The following DMD variants were observed in gnomAD, a reference collection of about 807,000 sequenced individuals.
The protein encoded by DMD is mutant dystrophin.
Under a neutral mutation model 330.1 loss-of-function variants are expected in DMD, and 63 were observed. That is an observed-to-expected ratio of 0.19 (90% CI 0.16 to 0.24). DMD has a LOEUF of 0.24. DMD is among the 10% of genes least tolerant of loss of function. DMD has a pLI of 1.00. For missense variants in DMD, 3,344 were observed against 2,684.1 expected, an observed-to-expected ratio of 1.25 and a Z score of -5.43; for synonymous variants, 1,223 against 959.8, an observed-to-expected ratio of 1.27 and a Z score of -5.07.
Position 31,840,549 on chromosome X carries a change from C to CTTT in DMD, c.7099-3733_7099-3731dup, listed in dbSNP as rs1207207240. 1.0e-3 allele frequency among the ~76,000 whole-genome samples: 78 copies of CTTT among 76,333 alleles called. 1 individual carries two copies. The highest frequency in any genetic ancestry group is 5.2e-3 in the East Asian group (12 of 2,304). 66.3% of individuals were successfully genotyped at this position (76,333 alleles called of 115,157 possible). A position where few individuals can be genotyped will look rare whatever the true frequency, so the allele number is the denominator to read the frequency against. On this transcript the variant is annotated intron_variant, in intron 48 of 78. Coordinates refer to ENST00000357033, the MANE Select transcript of DMD (RefSeq NM_004006.3). Reference sequence around the variant, plus strand: ...TGCCTTATTGGCTCTGCAGATACTGCTTTTTTTTTTTTTTTTTTTTTACAA... The same window carrying CTTT: ...TGCCTTATTGGCTCTGCAGATACTGCTTTTTTTTTTTTTTTTTTTTTTTTACAA...
chrX:32,215,062 C>A (rs55919365), intron 44 of DMD, among the ~76,000 whole-genome samples: 24,915 of 110,554 alleles, frequency 0.23, 2,184 homozygotes, highest in East Asian at 0.46. Context: ...AAAGACCCAA[C>A]TTTTACTTCT....
intron 55 of DMD, among the ~76,000 whole-genome samples, chrX:31,554,998 G>A (rs1204048260): frequency 8.9e-6 from 1 of 111,825 alleles, no homozygotes; most frequent in African/African-American, 3.3e-5. Flanking sequence ...TTGTTCCTAG[G>A]AGAGGGAGCC....
At chrX:32,048,653 A>G (rs1286575845) in intron 44 of DMD, among the ~76,000 whole-genome samples, 1 of 109,799 alleles carries the variant, frequency 9.1e-6, no homozygotes, top group Non-Finnish European at 1.9e-5. Context: ...ATTTTATCAT[A>G]TTTATTGGGT....
intron 62 of DMD, among the ~76,000 whole-genome samples, chrX:31,272,094 A>C (rs1232658622): frequency 9.0e-6 from 1 of 111,573 alleles, no homozygotes; most frequent in Non-Finnish European, 1.9e-5. Flanking sequence ...GCCAGCTGCC[A>C]TCTAAACCAG....
chrX:32,815,301 T>G (rs2077644175), intron 6 of DMD, among the ~76,000 whole-genome samples: 1 of 97,277 alleles, frequency 1.0e-5, no homozygotes, highest in African/African-American at 4.0e-5. Context: ...AATGGTAGAG[T>G]GGTCAAAAAA....
chrX:32,085,620 A>ATATATATACG (rs1569541166), intron 44 of DMD, among the ~76,000 whole-genome samples: 1 of 94,584 alleles, frequency 1.1e-5, no homozygotes, highest in Non-Finnish European at 2.1e-5. Context: ...ATATATACGT[A>ATATATATACG]TATATATACA....
chrX:32,049,912 C>T (rs925302456), intron 44 of DMD, among the ~76,000 whole-genome samples: 1 of 111,408 alleles, frequency 9.0e-6, no homozygotes, highest in South Asian at 3.7e-4. Context: ...GAAAATGCTA[C>T]TTTTTCATTA....
chrX:32,882,472 A>G (rs2084051602), intron 2 of DMD, among the ~76,000 whole-genome samples: 1 of 112,404 alleles, frequency 8.9e-6, no homozygotes, highest in Non-Finnish European at 1.9e-5. Flanking sequence ...CAAAATGGAA[A>G]TACATTAAGT....
At chrX:31,732,667 C>G (rs1006557999) in intron 51 of DMD, among the ~76,000 whole-genome samples, 2 of 110,950 alleles carry the variant, frequency 1.8e-5, no homozygotes, top group African/African-American at 3.3e-5. Context: ...AATCATTACT[C>G]AAACTACTTG....
intron 9 of DMD, among the ~76,000 whole-genome samples, chrX:32,680,723 C>T (rs1302501026): frequency 9.0e-6 from 1 of 110,846 alleles, no homozygotes; most frequent in South Asian, 3.8e-4. Flanking sequence ...TCATTTTGAG[C>T]CTCAACATTG....
intron 74 of DMD, among the ~76,000 whole-genome samples, chrX:31,166,758 G>A (rs1348401711): frequency 9.0e-6 from 1 of 111,531 alleles, no homozygotes; most frequent in Admixed American, 9.5e-5. Flanking sequence ...TTTTCAGGAA[G>A]GGAACTCTGT....
chrX:32,731,263 C>G (rs1378409870), intron 7 of DMD, among the ~76,000 whole-genome samples: 3 of 112,238 alleles, frequency 2.7e-5, no homozygotes, highest in Non-Finnish European at 5.6e-5. Context: ...AGGGTCCTAC[C>G]CCAACGGAAT....
At chrX:32,311,244 T>C (rs1208825910) in intron 41 of DMD, among the ~76,000 whole-genome samples, 2 of 110,908 alleles carry the variant, frequency 1.8e-5, no homozygotes, top group Non-Finnish European at 3.8e-5. Flanking sequence ...AGGGTTTCAG[T>C]GGTAGGGTCT....
chrX:31,250,857 G>C (rs7888601), intron 63 of DMD, among the ~76,000 whole-genome samples: 20,522 of 110,236 alleles, frequency 0.19, 1,478 homozygotes, highest in East Asian at 0.39. Flanking sequence ...GCGGAGGCTG[G>C]CAGATCATGA....
intron 7 of DMD, among the ~76,000 whole-genome samples, chrX:32,734,507 A>G (rs1235487016): frequency 3.7e-5 from 4 of 107,239 alleles, no homozygotes; most frequent in African/African-American, 1.4e-4. Flanking sequence ...CTGATGCAAA[A>G]ATCCTCAATA....
intron 18 of DMD, among the ~76,000 whole-genome samples, chrX:32,511,524 GAAAAAAAAAAA>G (rs67754841): frequency 8.0e-5 from 4 of 49,789 alleles, no homozygotes; most frequent in African/African-American, 1.6e-4. Context: ...TCCGTCTCGG[GAAAAAAAAAAA>G]AAAAAAAAAA....
At chrX:33,007,902 G>A (rs780518031) in intron 2 of DMD, among the ~76,000 whole-genome samples, 66 of 111,590 alleles carry the variant, frequency 5.9e-4, no homozygotes, top group African/African-American at 1.9e-3. Context: ...AGTACTCTCC[G>A]TAGACCTTGT....
chrX:32,621,512 C>T (rs747618004), intron 11 of DMD, among the ~76,000 whole-genome samples: 5 of 106,805 alleles, frequency 4.7e-5, no homozygotes, highest in African/African-American at 1.7e-4. Flanking sequence ...TTAATAGAGA[C>T]AAGGTCTCAT....
At chrX:32,900,229 G>T (rs1282773728) in intron 2 of DMD, among the ~76,000 whole-genome samples, 2 of 112,019 alleles carry the variant, frequency 1.8e-5, no homozygotes, top group Non-Finnish European at 3.8e-5. Flanking sequence ...GTAAAATTGT[G>T]TTGGTATGAA....
Sources: allele counts gnomAD v4.1 joint callset (sites outside exome capture counted in the v4.1 genomes callset), GRCh38; gene constraint gnomAD v4.1.1; transcripts MANE v1.5; gene names NCBI Gene and HGNC (gene_info 2026-07-23, HGNC 2026-07-21).